The following EPC1 variants were observed in gnomAD, a reference collection of about 807,000 sequenced individuals.
EPC1 encodes the protein enhancer of polycomb homolog 1.
In EPC1, 12 loss-of-function variants were observed where a neutral mutation model predicts 98.4. That is an observed-to-expected ratio of 0.12 (90% confidence interval 0.08 to 0.20). The LOEUF (loss-of-function observed/expected upper bound fraction) is 0.20. Among genes scored for constraint, EPC1 ranks in the 10% least tolerant of loss-of-function variants. EPC1 has a pLI of 1.00. For synonymous variants in EPC1, 357 were observed against 363.9 expected, an observed-to-expected ratio of 0.98 and a Z score of 0.21; for missense variants, 729 against 990.5, an observed-to-expected ratio of 0.74 and a Z score of 3.54.
At chr10:32,365,645 C>G (rs1452935099) in intron 1 of EPC1, among the ~76,000 whole-genome samples, 1 of 148,126 alleles carries the variant, frequency 6.8e-6, no homozygotes, top group Admixed American at 6.8e-5. Flanking sequence ...AAACCCCTGT[C>G]TCTACTAAAA....
At chr10:32,328,703 G>T (rs1837454045) in intron 1 of EPC1, among the ~76,000 whole-genome samples, 1 of 152,180 alleles carries the variant, frequency 6.6e-6, no homozygotes, top group Non-Finnish European at 1.5e-5. Context: ...CCATATCTAG[G>T]GTAAGCCAGC....
intron 1 of EPC1, among the ~76,000 whole-genome samples, chr10:32,337,026 C>A (rs945412523): frequency 2.0e-5 from 3 of 152,074 alleles, no homozygotes; most frequent in Non-Finnish European, 4.4e-5. Context: ...TCTTTAAATG[C>A]CTGATAATTT....
chr10:32,331,586 GT>G (rs1455919576), intron 1 of EPC1, among the ~76,000 whole-genome samples: 5 of 151,904 alleles, frequency 3.3e-5, no homozygotes, highest in Non-Finnish European at 7.4e-5. Flanking sequence ...GGTTTACGCA[GT>G]TTTATTAGAC....
At chr10:32,365,770 G>T (rs1839582673) in intron 1 of EPC1, among the ~76,000 whole-genome samples, 1 of 130,804 alleles carries the variant, frequency 7.6e-6, no homozygotes, top group Non-Finnish European at 1.5e-5. Context: ...ACTGAGCCGA[G>T]ATCACGCCAC....
intron 2 of EPC1, among the ~76,000 whole-genome samples, chr10:32,299,986 T>C (rs972367135): frequency 5.3e-5 from 8 of 151,286 alleles, no homozygotes; most frequent in African/African-American, 9.7e-5. Flanking sequence ...CGATCTCAGC[T>C]CACTGCAAGC....
At chr10:32,269,452 CAA>C in intron 13 of EPC1, 1 of 246,976 alleles carries the variant, frequency 4.0e-6, no homozygotes, top group Non-Finnish European at 7.9e-6. Flanking sequence ...TTAAACCTTT[CAA>C]AAGAGTTTTT....
In EPC1 at chr10:32,321,287, G is replaced by A. The variant is rs539371531; in HGVS notation, c.154-15356C>T. On this transcript the variant is annotated intron_variant, in intron 1 of 13. Coordinates refer to ENST00000319778, the MANE Select transcript of EPC1 (RefSeq NM_001272004.3). ...TGATGACACAGACTGTAGGGCCAGC[G>A]AATCTTAAAATATTTACTATCTGAT... 1.1e-3 allele frequency among the ~76,000 whole-genome samples: 172 copies of A among 152,132 alleles called. 1 individual carries two copies. The highest frequency in any genetic ancestry group is 3.9e-3 in the African/African-American group (161 of 41,498).
chr10:32,328,780 A>G (rs935850215), intron 1 of EPC1, among the ~76,000 whole-genome samples: 15 of 152,220 alleles, frequency 9.9e-5, no homozygotes, highest in African/African-American at 3.4e-4. Context: ...GTGCTCCTCT[A>G]ATGTTCTGTT....
intron 6 of EPC1, among the ~76,000 whole-genome samples, chr10:32,289,424 G>C (rs1592552909): frequency 6.7e-6 from 1 of 148,926 alleles, no homozygotes; most frequent in East Asian, 2.0e-4. Context: ...GCCTCCCCCT[G>C]CAAAAAAAGT....
In EPC1 at chr10:32,301,096, G is replaced by A. The variant is rs111295365; in HGVS notation, c.313+4676C>T. ...TATCTATCTATCTATCTATCTGCCT[G>A]CCTACCTACCTACGTACCTACATGC... On this transcript the variant is annotated intron_variant, in intron 2 of 13. Transcript: ENST00000319778. 4.2e-3 allele frequency among the ~76,000 whole-genome samples: 608 copies of A among 146,324 alleles called. 2 individuals carry two copies. The highest frequency in any genetic ancestry group is 0.014 in the African/African-American group (575 of 40,074).
chr10:32,372,127 G>C (rs1175458355), intron 1 of EPC1, among the ~76,000 whole-genome samples: 1 of 152,088 alleles, frequency 6.6e-6, no homozygotes, highest in Non-Finnish European at 1.5e-5. Flanking sequence ...CTCAAATGTT[G>C]CTGCCTGGAC....
At chr10:32,330,286 A>G (rs1837564994) in intron 1 of EPC1, among the ~76,000 whole-genome samples, 1 of 152,220 alleles carries the variant, frequency 6.6e-6, no homozygotes, top group Admixed American at 6.5e-5. Flanking sequence ...AATAGAGACA[A>G]TAACATCTGA....
chr10:32,315,099 C>G (rs1836477401), intron 1 of EPC1, among the ~76,000 whole-genome samples: 1 of 152,150 alleles, frequency 6.6e-6, no homozygotes, highest in Non-Finnish European at 1.5e-5. Context: ...GCATCTTTTC[C>G]TTCAAAAGAT....
chr10:32,323,021 A>C (rs892464801), intron 1 of EPC1, among the ~76,000 whole-genome samples: 1 of 152,130 alleles, frequency 6.6e-6, no homozygotes, highest in Non-Finnish European at 1.5e-5. Context: ...TAAATGATAA[A>C]TGCTTGAGGT....
At chr10:32,341,607 A>G (rs1001664547) in intron 1 of EPC1, among the ~76,000 whole-genome samples, 1 of 152,256 alleles carries the variant, frequency 6.6e-6, no homozygotes, top group Non-Finnish European at 1.5e-5. Context: ...AAGCACCCAC[A>G]AAATACCATT....
chr10:32,283,842 T>A (rs1836528652), intron 10 of EPC1: 1 of 152,126 alleles, frequency 6.6e-6, no homozygotes, highest in South Asian at 2.1e-4. Context: ...ACCCTCATGT[T>A]GTTCAGGGGT....
chr10:32,363,580 C>T (rs567520765), intron 1 of EPC1, among the ~76,000 whole-genome samples: 10 of 152,312 alleles, frequency 6.6e-5, no homozygotes, highest in East Asian at 1.9e-4. Context: ...AAATGCTATT[C>T]TGAATTTTTA....
At chr10:32,311,026 A>G (rs754380847) in intron 1 of EPC1, among the ~76,000 whole-genome samples, 2 of 152,186 alleles carry the variant, frequency 1.3e-5, no homozygotes, top group African/African-American at 4.8e-5. Context: ...CAGGAAAAAA[A>G]CCAGCTGGGC....
rs534105180 is a variant in EPC1 at position 32,363,169 on chromosome 10, G to C, written c.3+15322C>G. ...GCTCACTGCAACCTTGACCTCTGAG[G>C]CTCAGGCAATCATCCCACCTCAGCC... On this transcript the variant is annotated intron_variant, in intron 1 of 13. Transcript: ENST00000375110. Among the ~76,000 whole-genome samples the C allele has an allele frequency of 2.6e-5, 4 of 152,280 alleles. No homozygotes were observed. In the South Asian group the frequency reaches 8.3e-4, roughly 32 times the overall value.
Sources: gnomAD v4.1 joint callset for allele counts (sites outside exome capture counted in the v4.1 genomes callset) on GRCh38, gnomAD v4.1.1 for gene constraint, MANE v1.5 for transcripts, NCBI Gene and HGNC (gene_info 2026-07-23, HGNC 2026-07-21) for gene names.